Variants in PAIP2B observed in about 807,000 individuals in gnomAD.
PAIP2B encodes poly(A) binding protein interacting protein 2B.
Under a neutral mutation model 17.0 loss-of-function variants are expected in PAIP2B, and 13 were observed. The observed-to-expected ratio is 0.76, with a 90% CI of 0.50 to 1.22. PAIP2B has a LOEUF of 1.22. Ranked by LOEUF, PAIP2B falls within the 50% of genes most tolerant of loss-of-function variation. The pLI is 0.00. For missense variants in PAIP2B, 117 were observed against 144.5 expected, an observed-to-expected ratio of 0.81 and a Z score of 0.98; for synonymous variants, 43 against 48.7, an observed-to-expected ratio of 0.88 and a Z score of 0.48.
Position 71,186,326 on chromosome 2 carries a change from TA to T in PAIP2B, c.*2152del, listed in dbSNP as rs1186790095. Reference sequence around the variant, plus strand: ...CGCCGGAAGCAGAGTCCTATGCATTTAAAAAAGAATCAATTTGCTAGCTGCT... The same window carrying T: ...CGCCGGAAGCAGAGTCCTATGCATTTAAAAAGAATCAATTTGCTAGCTGCT... On this transcript the variant is annotated 3_prime_UTR_variant, in exon 4 of 4. Transcript: ENST00000244221. The T allele has an allele frequency of 6.6e-6, 1 of 152,210 alleles. No individual in the cohort carries two copies. Among genetic ancestry groups the T allele is most frequent in the Admixed American group, 6.5e-5 (1 of 15,286 alleles). The allele number at this position is 152,210 out of a possible 1,614,324, so 9.4% of individuals were successfully genotyped here.
chr2:71,204,638 T>C (rs554992238), intron 1 of PAIP2B, among the ~76,000 whole-genome samples: 4 of 152,166 alleles, frequency 2.6e-5, no homozygotes, highest in Non-Finnish European at 5.9e-5. Context: ...ATATTTTAAA[T>C]AGAAACAAAA....
chr2:71,217,159 G>A (rs948692165), intron 1 of PAIP2B, among the ~76,000 whole-genome samples: 16 of 152,034 alleles, frequency 1.1e-4, no homozygotes, highest in African/African-American at 2.9e-4. Flanking sequence ...TTTTTGAGAC[G>A]GAGTCTCACT....
Position 71,217,884 on chromosome 2 carries a change from T to C in PAIP2B, c.-12+9044A>G, listed in dbSNP as rs928450099. ...GAATTCAGGACCAGCCTGGGCAGCA[T>C]AGCGAATTCTTATCTCTACAAAAAA... On this transcript the variant is annotated intron_variant, in intron 1 of 3. Coordinates refer to ENST00000244221, the MANE Select transcript of PAIP2B (RefSeq NM_020459.1). Among the ~76,000 whole-genome samples, 15 of 152,202 alleles carry C rather than the reference T, an allele frequency of 9.9e-5. No homozygotes were observed. In the East Asian group the frequency reaches 2.3e-3, roughly 24 times the overall value.
intron 2 of PAIP2B, 69 bp from the exon 3 acceptor site, chr2:71,190,090 C>A: frequency 7.0e-7 from 1 of 1,428,276 alleles, no homozygotes; most frequent in South Asian, 1.4e-5. Flanking sequence ...GTTTTTCCTC[C>A]ACCTCTTTCC....
intron 2 of PAIP2B, among the ~76,000 whole-genome samples, chr2:71,198,994 C>T (rs79301067): frequency 0.036 from 5,422 of 152,144 alleles, 105 homozygotes; most frequent in African/African-American, 0.043. Flanking sequence ...GAAATGACAA[C>T]GAAGGATTTA....
chr2:71,188,361 A>T lies in PAIP2B; in HGVS notation c.*118T>A. On this transcript the variant is annotated 3_prime_UTR_variant, in exon 4 of 4. Coordinates refer to ENST00000244221, the MANE Select transcript of PAIP2B (RefSeq NM_020459.1). ...AGAGTCACAGTATTGTGAGACCACCACTCCCCTTCCCGCTGTGCACCCCTC... is the reference window on the plus strand; with the variant it reads ...AGAGTCACAGTATTGTGAGACCACCTCTCCCCTTCCCGCTGTGCACCCCTC... The T allele has an allele frequency of 2.7e-6, 2 of 742,122 alleles. No individual in the cohort carries two copies. Among genetic ancestry groups the T allele is most frequent in the Non-Finnish European group, 4.6e-6 (2 of 432,438 alleles). 46.0% of individuals were successfully genotyped at this position (742,122 alleles called of 1,614,324 possible). A position where few individuals can be genotyped will look rare whatever the true frequency, so the allele number is the denominator to read the frequency against.
At chr2:71,211,372 TG>T in intron 1 of PAIP2B, among the ~76,000 whole-genome samples, 1 of 152,350 alleles carries the variant, frequency 6.6e-6, no homozygotes, top group East Asian at 1.9e-4. Context: ...ATCCATACTT[TG>T]CAGATATTCT....
chr2:71,192,400 CATT>C (rs980466212), intron 2 of PAIP2B, among the ~76,000 whole-genome samples: 5 of 151,544 alleles, frequency 3.3e-5, no homozygotes, highest in Admixed American at 2.6e-4. Flanking sequence ...CAAACTTTTT[CATT>C]ATTATTATAT....
In PAIP2B at chr2:71,215,727, C is replaced by A. The variant is rs148775267; in HGVS notation, c.-12+11201G>T. ...AGGTGTGGCTTCCACAGTTTCTTTT[C>A]TCTTCAACGCAAAGATTCTACATAT... On this transcript the variant is annotated intron_variant, in intron 1 of 3. Coordinates refer to ENST00000244221, the MANE Select transcript of PAIP2B (RefSeq NM_020459.1). 5.6e-4 allele frequency among the ~76,000 whole-genome samples: 86 copies of A among 152,344 alleles called. 1 individual carries two copies. The East Asian group carries it at 6.4e-3, about 11-fold the overall frequency.
intron 1 of PAIP2B, among the ~76,000 whole-genome samples, chr2:71,205,861 C>T (rs1675112778): frequency 6.6e-6 from 1 of 152,098 alleles, no homozygotes; most frequent in Non-Finnish European, 1.5e-5. Flanking sequence ...GAATGGCTGC[C>T]ATGTTGTGAG....
At chr2:71,220,195 A>G (rs1294619799) in intron 1 of PAIP2B, among the ~76,000 whole-genome samples, 1 of 152,220 alleles carries the variant, frequency 6.6e-6, no homozygotes, top group Admixed American at 6.5e-5. Context: ...TATTTAAATT[A>G]CTGCAAGCCC....
chr2:71,224,685 G>A (rs923878007), intron 1 of PAIP2B, among the ~76,000 whole-genome samples: 2 of 152,174 alleles, frequency 1.3e-5, no homozygotes, highest in African/African-American at 2.4e-5. Flanking sequence ...CAGTGCCATC[G>A]TGCTTCTCTG....
At position 71,185,994 on chromosome 2, in the gene PAIP2B, T is replaced by C. The variant is rs1674526369; in HGVS notation, c.*2485A>G. Reference sequence around the variant, plus strand: ...TCTATACAAATTCTCAAACTTCTAGTTGCCAATTTAAAAAAGTTTAAACAA... The same window carrying C: ...TCTATACAAATTCTCAAACTTCTAGCTGCCAATTTAAAAAAGTTTAAACAA... On this transcript the variant is annotated 3_prime_UTR_variant, in exon 4 of 4. Coordinates refer to ENST00000244221, the MANE Select transcript of PAIP2B (RefSeq NM_020459.1). 6.6e-6 allele frequency: 1 copy of C among 152,248 alleles called. No homozygotes were observed. The highest frequency in any genetic ancestry group is 2.1e-4 in the South Asian group (1 of 4,830). The allele number at this position is 152,248 out of a possible 1,614,324, so 9.4% of individuals were successfully genotyped here.
chr2:71,222,169 C>T (rs920656718), intron 1 of PAIP2B, among the ~76,000 whole-genome samples: 3 of 152,198 alleles, frequency 2.0e-5, no homozygotes, highest in African/African-American at 7.2e-5. Context: ...GTCAGTGAGA[C>T]CGTGAACCCA....
chr2:71,201,031 G>C (rs1674971643), intron 2 of PAIP2B, among the ~76,000 whole-genome samples: 1 of 151,832 alleles, frequency 6.6e-6, no homozygotes, highest in African/African-American at 2.4e-5. Context: ...GTGTGTGTGT[G>C]TGTGTGTGTG....
chr2:71,199,812 G>A (rs956128146), intron 2 of PAIP2B, among the ~76,000 whole-genome samples: 1 of 152,142 alleles, frequency 6.6e-6, no homozygotes, highest in African/African-American at 2.4e-5. Flanking sequence ...GACCACTTGT[G>A]CCTAGGGGTT....
chr2:71,193,976 G>A (rs1165921437), intron 2 of PAIP2B, among the ~76,000 whole-genome samples: 7 of 152,156 alleles, frequency 4.6e-5, no homozygotes, highest in Non-Finnish European at 1.0e-4. Context: ...TATTAAACAG[G>A]GAGTCTTTTC....
At chr2:71,219,001 C>T (rs569890030) in intron 1 of PAIP2B, among the ~76,000 whole-genome samples, 7 of 150,608 alleles carry the variant, frequency 4.6e-5, no homozygotes, top group Admixed American at 1.3e-4. Context: ...CTGCAAGCTC[C>T]GCCTCCTGGG....
chr2:71,194,198 C>T (rs1320612812), intron 2 of PAIP2B, among the ~76,000 whole-genome samples: 6 of 152,002 alleles, frequency 3.9e-5, no homozygotes, highest in Non-Finnish European at 7.4e-5. Flanking sequence ...CTTGGCTATT[C>T]GTGCACTTTT....
Sources: gnomAD v4.1 joint callset for allele counts (sites outside exome capture counted in the v4.1 genomes callset) on GRCh38, gnomAD v4.1.1 for gene constraint, MANE v1.5 for transcripts, NCBI Gene and HGNC (gene_info 2026-07-23, HGNC 2026-07-21) for gene names.